The following ALG12 variants were observed in gnomAD, a reference collection of about 807,000 sequenced individuals.
ALG12 encodes dol-P-Man:Man(7)GlcNAc(2)-PP-Dol alpha-1,6-mannosyltransferase.
In ALG12, 36 loss-of-function variants were observed where a neutral mutation model predicts 46.0. The ratio of observed to expected loss-of-function variants is 0.78; its 90% confidence interval spans 0.60 to 1.03. The LOEUF (loss-of-function observed/expected upper bound fraction) is 1.03, where lower values mean the gene tolerates loss of function less well. Among genes scored for constraint, ALG12 ranks in the 50% least tolerant of loss-of-function variants. ALG12 has a pLI of 0.00. For synonymous variants in ALG12, 326 were observed against 291.6 expected, an observed-to-expected ratio of 1.12 and a Z score of -1.20; for missense variants, 599 against 633.5, an observed-to-expected ratio of 0.95 and a Z score of 0.58.
At chr22:49,874,672 C>CATTTT in the ALG12 span, among the ~76,000 whole-genome samples, 1 of 37,316 alleles carries the variant, frequency 2.7e-5, no homozygotes, top group South Asian at 2.1e-3. Context: ...CATGCCCAGC[C>CATTTT]TTTTTTTTTT....
intron 1 of ALG12, among the ~76,000 whole-genome samples, chr22:49,917,683 A>C (rs1190651289): frequency 2.0e-5 from 3 of 151,580 alleles, no homozygotes; most frequent in Admixed American, 2.0e-4. Context: ...AACAGAAAAG[A>C]AACTGGTCAA....
the ALG12 span, among the ~76,000 whole-genome samples, chr22:49,893,650 C>A: frequency 1.3e-5 from 2 of 152,130 alleles, 1 homozygote; most frequent in South Asian, 4.1e-4. Flanking sequence ...TAAAATATAT[C>A]CTGGAGGGAA....
the ALG12 span, among the ~76,000 whole-genome samples, chr22:49,894,033 C>T: frequency 3.9e-5 from 6 of 152,084 alleles, no homozygotes; most frequent in Admixed American, 1.3e-4. Context: ...GGCCTGGTGA[C>T]GCATGCCTGT....
rs778324186 is a variant in ALG12 at position 49,913,618 on chromosome 22, G to T, written c.148C>A (p.Gln50Lys). Residue 50 changes from glutamine (Q) to lysine (K), a missense_variant, in exon 2 of 10, where the codon CAA (glutamine) becomes AAA (lysine). Physicochemically the swap from Gln to Lys is moderately conservative, Grantham distance 53. Coordinates refer to ENST00000330817, the MANE Select transcript of ALG12 (RefSeq NM_024105.4). The part of the protein sequence containing the change: ...QATHDLLYHW[Q>K]DLEQYDHLEF... Reference sequence around the variant, plus strand: ...GGGCCCCTCACCTGCTCCAGGTCTTGCCAGTGGTAGAGCAGGTCATGTGTG... The same window carrying T: ...GGGCCCCTCACCTGCTCCAGGTCTTTCCAGTGGTAGAGCAGGTCATGTGTG... The T allele has an allele frequency of 2.5e-6, 4 of 1,614,128 alleles. No homozygotes were observed. The East Asian group carries it at 8.9e-5, about 36-fold the overall frequency.
chr22:49,867,685 G>A, the ALG12 span, among the ~76,000 whole-genome samples: 1 of 152,146 alleles, frequency 6.6e-6, no homozygotes, highest in African/African-American at 2.4e-5. Flanking sequence ...TGTATCACAC[G>A]CTTGATGACA....
At chr22:49,893,644 A>G in the ALG12 span, among the ~76,000 whole-genome samples, 3 of 152,230 alleles carry the variant, frequency 2.0e-5, no homozygotes, top group African/African-American at 4.8e-5. Flanking sequence ...CAGCCCTAAA[A>G]TATATCCTGG....
the ALG12 span, among the ~76,000 whole-genome samples, chr22:49,893,067 G>A: frequency 1.3e-5 from 2 of 152,216 alleles, no homozygotes; most frequent in Non-Finnish European, 2.9e-5. Context: ...CCTAGATGTA[G>A]TTAGTACCAA....
Position 49,903,343 on chromosome 22 carries a change from G to A in ALG12, c.*495C>T, listed in dbSNP as rs2060524473. Reference sequence around the variant, plus strand: ...CTGTGAATACAAAAGTTGCAGTGGTGGCACCAGGGTGGGGGGGTGCGGCCG... The same window carrying A: ...CTGTGAATACAAAAGTTGCAGTGGTAGCACCAGGGTGGGGGGGTGCGGCCG... On this transcript the variant is annotated 3_prime_UTR_variant, in exon 10 of 10. Coordinates refer to ENST00000330817, the MANE Select transcript of ALG12 (RefSeq NM_024105.4). 4.4e-6 allele frequency: 2 copies of A among 457,682 alleles called. No homozygotes were observed. The allele number at this position is 457,682 out of a possible 1,614,324, so 28.4% of individuals were successfully genotyped here.
At chr22:49,881,317 C>T in the ALG12 span, among the ~76,000 whole-genome samples, 1 of 152,280 alleles carries the variant, frequency 6.6e-6, no homozygotes, top group Non-Finnish European at 1.5e-5. Flanking sequence ...CCGCTGCACA[C>T]TGCAGCCTGG....
rs1456724892 is a variant in ALG12 at position 49,912,094 on chromosome 22, G to A, written c.295+1291C>T. 2.1e-5 allele frequency among the ~76,000 whole-genome samples: 3 copies of A among 143,580 alleles called. No homozygotes were observed. The East Asian group carries it at 6.0e-4, about 29-fold the overall frequency. The allele number at this position is 143,580 out of a possible 152,430, so 94.2% of individuals were successfully genotyped here. ...TGGCCCCGGGATCACCCTCGGCCCC[G>A]GGATCACCCTCGGCCCCGGGATCAG... On this transcript the variant is annotated intron_variant, in intron 3 of 9. Coordinates refer to ENST00000330817, the MANE Select transcript of ALG12 (RefSeq NM_024105.4).
the ALG12 span, chr22:49,887,278 C>T: frequency 2.3e-6 from 3 of 1,303,306 alleles, no homozygotes; most frequent in Non-Finnish European, 3.2e-6. Context: ...TGTACGACAT[C>T]AGACCAGGCA....
At chr22:49,884,420 G>T in the ALG12 span, 1 of 1,613,860 alleles carries the variant, frequency 6.2e-7, no homozygotes, top group Non-Finnish European at 8.5e-7. Context: ...GCCCTGGTGG[G>T]GTCGTCTCCC....
chr22:49,898,328 G>C (rs8135816), downstream of ALG12, among the ~76,000 whole-genome samples: 54,401 of 151,842 alleles, frequency 0.36, 13,900 homozygotes, highest in African/African-American at 0.73. Context: ...TCAGATATGT[G>C]TTTCACAAAT....
chr22:49,891,402 A>G, the ALG12 span, among the ~76,000 whole-genome samples: 6,193 of 152,266 alleles, frequency 0.041, 182 homozygotes, highest in Non-Finnish European at 0.062. Context: ...GGTCTTGGCT[A>G]TTGTTCTGTT....
chr22:49,885,251 C>T, the ALG12 span: 1 of 1,603,718 alleles, frequency 6.2e-7, no homozygotes, highest in Non-Finnish European at 8.5e-7. Flanking sequence ...ACTTTGGCCT[C>T]TGCAGAAAGT....
chr22:49,883,651 T>G, the ALG12 span: 1 of 1,542,816 alleles, frequency 6.5e-7, no homozygotes, highest in Non-Finnish European at 8.8e-7. Flanking sequence ...GCCGGAGTAG[T>G]TATGGTCAGT....
the ALG12 span, among the ~76,000 whole-genome samples, chr22:49,864,665 T>A: frequency 6.6e-6 from 1 of 151,654 alleles, no homozygotes; most frequent in Admixed American, 6.6e-5. Context: ...AAAAATGTTT[T>A]AAAATATTAG....
chr22:49,868,976 T>G, the ALG12 span, among the ~76,000 whole-genome samples: 1 of 140,144 alleles, frequency 7.1e-6, no homozygotes, highest in South Asian at 2.2e-4. Context: ...AAAAAAAAAT[T>G]AGCTGGGTGT....
the ALG12 span, among the ~76,000 whole-genome samples, chr22:49,894,127 T>C: frequency 2.4e-4 from 36 of 152,316 alleles, 1 homozygote; most frequent in African/African-American, 4.6e-4. Context: ...ATGGCACCAC[T>C]GCATTCTAGC....
Sources: allele counts gnomAD v4.1 joint callset (sites outside exome capture counted in the v4.1 genomes callset), GRCh38; gene constraint gnomAD v4.1.1; transcripts MANE v1.5; gene names NCBI Gene and HGNC (gene_info 2026-07-23, HGNC 2026-07-21).